RAD52: variants seen among roughly 807,000 people sequenced by gnomAD.
RAD52 encodes the protein DNA repair protein RAD52 homolog.
Under a neutral mutation model 55.5 loss-of-function variants are expected in RAD52, and 47 were observed. That is an observed-to-expected ratio of 0.85 (90% CI 0.67 to 1.08). The LOEUF (loss-of-function observed/expected upper bound fraction) is 1.08. Ranked by LOEUF, RAD52 falls within the 50% of genes least tolerant of loss-of-function variation. The probability of loss-of-function intolerance (pLI) is 0.00; values close to 1 mark genes in which losing one functional copy is unlikely to be tolerated. For synonymous variants in RAD52, 184 were observed against 198.9 expected (o/e 0.92, Z 0.63); for missense variants, 468 against 522.8 (o/e 0.90, Z 1.02).
intron 1 of RAD52, among the ~76,000 whole-genome samples, chr12:955,681 C>T (rs1269033729): frequency 6.6e-6 from 1 of 152,022 alleles, no homozygotes; most frequent in Non-Finnish European, 1.5e-5. Context: ...ACCATATTGG[C>T]CAGGCTGGTC....
intron 1 of RAD52, among the ~76,000 whole-genome samples, chr12:985,907 T>TG (rs1463970119): frequency 1.3e-5 from 2 of 151,838 alleles, no homozygotes; most frequent in Admixed American, 6.6e-5. Context: ...CCCAAAGTGC[T>TG]GGATTATAGG....
intron 9 of RAD52, 83 bp from the exon 10 acceptor site, chr12:914,615 G>T: frequency 6.6e-7 from 1 of 1,511,958 alleles, no homozygotes; most frequent in Non-Finnish European, 9.0e-7. Context: ...CTCCCCTCTT[G>T]TTAGAGGGAA....
chr12:967,767 G>A (rs557632524), intron 1 of RAD52, among the ~76,000 whole-genome samples: 1 of 152,026 alleles, frequency 6.6e-6, no homozygotes, highest in Non-Finnish European at 1.5e-5. Flanking sequence ...ACCATGCTCA[G>A]CTAATTAAAA....
intron 1 of RAD52, among the ~76,000 whole-genome samples, chr12:972,039 C>T (rs1958866058): frequency 6.6e-6 from 1 of 152,170 alleles, no homozygotes; most frequent in Non-Finnish European, 1.5e-5. Flanking sequence ...TTAATAATCT[C>T]ATTTTGGGAG....
At chr12:982,536 G>A (rs1326995231) in intron 1 of RAD52, among the ~76,000 whole-genome samples, 1 of 152,006 alleles carries the variant, frequency 6.6e-6, no homozygotes, top group African/African-American at 2.4e-5. Context: ...AATTCTTTGT[G>A]GAAGAAAGGA....
chr12:936,004 A>AT (rs1044377953), intron 1 of RAD52, among the ~76,000 whole-genome samples: 4 of 151,112 alleles, frequency 2.6e-5, no homozygotes, highest in Non-Finnish European at 5.9e-5. Flanking sequence ...CACTTCTCAC[A>AT]TTTAAAGAGC....
intron 1 of RAD52, among the ~76,000 whole-genome samples, chr12:965,723 T>C (rs1357003335): frequency 1.3e-5 from 2 of 151,984 alleles, no homozygotes; most frequent in East Asian, 1.9e-4. Context: ...TCTCACTCTA[T>C]TGCCTAGGCT....
At chr12:969,219 G>C (rs1276056404) in intron 1 of RAD52, among the ~76,000 whole-genome samples, 1 of 151,958 alleles carries the variant, frequency 6.6e-6, no homozygotes, top group Non-Finnish European at 1.5e-5. Flanking sequence ...GGTTTTGAAA[G>C]GGGGTGCTGG....
upstream of RAD52, among the ~76,000 whole-genome samples, chr12:951,305 GTCTT>G (rs564440944): frequency 3.7e-3 from 563 of 152,180 alleles, 1 homozygote; most frequent in Non-Finnish European, 5.8e-3. Flanking sequence ...TAGAGACAAG[GTCTT>G]TCTATGTTGT....
chr12:970,694 G>A (rs185846881), intron 1 of RAD52, among the ~76,000 whole-genome samples: 22 of 152,242 alleles, frequency 1.4e-4, no homozygotes, highest in Non-Finnish European at 2.2e-4. Flanking sequence ...GGGAGGAGGT[G>A]GTTACAAATG....
At chr12:939,251 C>T (rs1450018743) in intron 1 of RAD52, among the ~76,000 whole-genome samples, 3 of 151,930 alleles carry the variant, frequency 2.0e-5, no homozygotes, top group Admixed American at 6.6e-5. Context: ...CTCCTTGGCT[C>T]GTGATCTTCC....
At chr12:990,133 T>C (rs540502181), upstream of RAD52, 1 of 152,294 alleles carries the variant, frequency 6.6e-6, no homozygotes, top group South Asian at 2.1e-4. Flanking sequence ...CTGCAATTTG[T>C]TAATGGGATT....
At chr12:930,323 A>T (rs1957260720) in intron 3 of RAD52, among the ~76,000 whole-genome samples, 179 bp from the exon 4 acceptor site, 1 of 150,428 alleles carries the variant, frequency 6.6e-6, no homozygotes, top group African/African-American at 2.4e-5. Context: ...AGGCTGCAGT[A>T]AGCTAGGATC....
rs150405055 is a variant in RAD52, at chr12:919,623, C to T, written c.544-2803G>A. 3.0e-3 allele frequency among the ~76,000 whole-genome samples: 445 copies of T among 147,382 alleles called. 3 individuals are homozygous for T. The Middle Eastern group carries it at 0.035, about 12-fold the overall frequency. On this transcript the variant is annotated intron_variant, in intron 7 of 11. Coordinates refer to ENST00000358495, the MANE Select transcript of RAD52 (RefSeq NM_134424.4). Reference sequence around the variant, plus strand: ...AACATTAGTTGGGTGTGGTGGTGGGCGCCTGTAGTCCCAGCTACTCAGGAG... The same window carrying T: ...AACATTAGTTGGGTGTGGTGGTGGGTGCCTGTAGTCCCAGCTACTCAGGAG...
upstream of RAD52, among the ~76,000 whole-genome samples, chr12:950,555 G>A (rs1958501190): frequency 6.9e-6 from 1 of 145,276 alleles, no homozygotes; most frequent in Non-Finnish European, 1.5e-5. Context: ...CTGGGCGACA[G>A]AGCGAGGCTC....
chr12:945,292 A>C (rs1301850782), intron 1 of RAD52, among the ~76,000 whole-genome samples: 1 of 151,336 alleles, frequency 6.6e-6, no homozygotes, highest in Non-Finnish European at 1.5e-5. Context: ...CGAAGGTTGC[A>C]GTGAGCCAAG....
rs752062192 is a variant in RAD52 at position 916,417 on chromosome 12, C to T, written c.792G>A (p.Leu264=). 6 of 1,608,488 alleles carry T rather than the reference C, an allele frequency of 3.7e-6. No homozygotes were observed. Among genetic ancestry groups the T allele is most frequent in the Non-Finnish European group, 5.1e-6 (6 of 1,179,424 alleles). ...CCATCCGCTCCCGGAACTGCTGCTG[C>T]AGCTGCTTCTGCCGGAGCTTCCGCT... The part of the protein sequence containing the change: ...THQRKLRQKQ[L]QQQFRERMEK... Residue 264 remains leucine, a synonymous_variant, in exon 9 of 12, where the codon CTG becomes CTA. Transcript: ENST00000358495.
At chr12:965,972 C>CCGCGATGGGCCCAATATGTAAATAGGGG (rs1958760838) in intron 1 of RAD52, among the ~76,000 whole-genome samples, 1 of 151,954 alleles carries the variant, frequency 6.6e-6, no homozygotes, top group Non-Finnish European at 1.5e-5. Flanking sequence ...GCATGAACCA[C>CCGCGATGGGCCCAATATGTAAATAGGGG]TGTGCCTGGC....
intron 1 of RAD52, among the ~76,000 whole-genome samples, chr12:937,834 T>G (rs1000391321): frequency 2.0e-5 from 3 of 152,174 alleles, no homozygotes; most frequent in Admixed American, 2.0e-4. Flanking sequence ...ACTTTGCACC[T>G]GTTTATGGCA....
Sources: allele counts gnomAD v4.1 joint callset (sites outside exome capture counted in the v4.1 genomes callset), GRCh38; gene constraint gnomAD v4.1.1; transcripts MANE v1.5; gene names NCBI Gene and HGNC (gene_info 2026-07-23, HGNC 2026-07-21).